Variants in MUC17 observed in about 807,000 individuals in gnomAD.
MUC17 encodes the protein mucin 17, cell surface associated.
In MUC17, 190 loss-of-function variants were observed where a neutral mutation model predicts 170.3. The observed-to-expected ratio is 1.12, with a 90% confidence interval of 0.99 to 1.26. MUC17 has a LOEUF of 1.26. MUC17 is among the 50% of genes most tolerant of loss of function. MUC17 has a pLI of 0.00. For missense variants in MUC17, 6,415 were observed against 5,530.0 expected (o/e 1.16, Z -5.08); for synonymous variants, 2,325 against 2,002.5 (o/e 1.16, Z -4.30).
chr7:101,030,387 G>A (rs1440207342), intron 1 of MUC17, among the ~76,000 whole-genome samples: 1 of 151,924 alleles, frequency 6.6e-6, no homozygotes, highest in Admixed American at 6.6e-5. Context: ...ACCATGCCCA[G>A]CTAATTTTTG....
rs748177179 is a variant in MUC17, at chr7:101,035,026, G to T, written c.3610G>T (p.Ala1204Ser). ...STEASSPPPT[A>S]EVTSMPTSTP... ...TGAAGCCAGTTCACCTCCTCCAACT[G>T]CTGAAGTTACCAGCATGCCAACCTC... Residue 1204 changes from alanine to serine, a missense_variant, in exon 3 of 13, where the codon GCT becomes TCT. Physicochemically the swap from Ala to Ser is moderately conservative, Grantham distance 99. Coordinates refer to ENST00000306151, the MANE Select transcript of MUC17 (RefSeq NM_001040105.2). 2.5e-6 allele frequency: 4 copies of T among 1,614,014 alleles called. No homozygotes were observed. In the Admixed American group the frequency reaches 6.7e-5, roughly 27 times the overall value.
In MUC17 at chr7:101,038,701, A is replaced by C; in HGVS notation, c.7285A>C (p.Thr2429Pro). ...TCCTGTTGACACCAGCACACCTGTC[A>C]CCACTTCTACTGAAGCCAGTTCATC... ...TTPVDTSTPV[T>P]TSTEASSSPT... Residue 2429 changes from threonine to proline, a missense_variant, in exon 3 of 13, where the codon ACC becomes CCC. Thr to Pro is a conservative substitution (Grantham distance 38). Coordinates refer to ENST00000306151, the MANE Select transcript of MUC17 (RefSeq NM_001040105.2). The C allele has an allele frequency of 6.2e-7, 1 of 1,613,024 alleles. No homozygotes were observed. Among genetic ancestry groups the C allele is most frequent in the Non-Finnish European group, 8.5e-7 (1 of 1,179,812 alleles).
rs758870682 is a variant in MUC17 at position 101,040,966 on chromosome 7, C to G, written c.9550C>G (p.Leu3184Val). 1.1e-5 allele frequency: 18 copies of G among 1,613,684 alleles called. 2 individuals are homozygous for G. In the Middle Eastern group the frequency reaches 2.0e-3, roughly 178 times the overall value. Residue 3184 changes from leucine (L) to valine (V), a missense_variant, in exon 3 of 13, where the codon CTT becomes GTT. Transcript: ENST00000306151. Reference sequence around the variant, plus strand: ...GGTAGTCAGTTCTGAGGATAGCACCCTTTCAGCAACTCCTGTTGACACCAG... The same window carrying G: ...GGTAGTCAGTTCTGAGGATAGCACCGTTTCAGCAACTCCTGTTGACACCAG... ...MLVVSSEDSTLSATPVDTSTP... is the reference protein window; with the variant it reads ...MLVVSSEDSTVSATPVDTSTP...
Position 101,042,097 on chromosome 7 carries a change from C to T in MUC17, c.10681C>T (p.Leu3561Phe), listed in dbSNP as rs1374757224. The T allele has an allele frequency of 1.2e-6, 2 of 1,614,002 alleles. No individual in the cohort carries two copies. The highest frequency in any genetic ancestry group is 2.2e-5 in the East Asian group (1 of 44,868). ...TCAAGCCAGTTCATCTCCAGCAACTCTTCAGGTCACCACTATGCGTATGTC... is the reference window on the plus strand; with the variant it reads ...TCAAGCCAGTTCATCTCCAGCAACTTTTCAGGTCACCACTATGCGTATGTC... ...SSQASSSPAT[L>F]QVTTMRMSTP... is the part of the protein sequence containing the mutation. Residue 3561 changes from leucine (L) to phenylalanine (F), a missense_variant, in exon 3 of 13, where the codon CTT (leucine) becomes TTT (phenylalanine). Physicochemically the swap from Leu to Phe is conservative, Grantham distance 22. Coordinates refer to ENST00000306151, the MANE Select transcript of MUC17 (RefSeq NM_001040105.2).
At position 101,051,788 on chromosome 7, in the gene MUC17, T is replaced by C. The variant is rs1284635083; in HGVS notation, c.12944-15T>C. The C allele has an allele frequency of 6.2e-7, 1 of 1,611,856 alleles. No individual in the cohort carries two copies. ...TCTGATCACGGCTGTTCCCTGTCCCTGCACCCCCCACCAGAGGACTGCCGG... is the reference window on the plus strand; with the variant it reads ...TCTGATCACGGCTGTTCCCTGTCCCCGCACCCCCCACCAGAGGACTGCCGG... On this transcript the variant is annotated splice_polypyrimidine_tract_variant and intron_variant, in intron 8 of 12. Coordinates refer to ENST00000306151, the MANE Select transcript of MUC17 (RefSeq NM_001040105.2).
In MUC17 at chr7:101,032,924, C is replaced by A. The variant is rs1260132118; in HGVS notation, c.1508C>A (p.Thr503Asn). The A allele has an allele frequency of 3.7e-6, 6 of 1,614,094 alleles. No individual in the cohort carries two copies. Among genetic ancestry groups the A allele is most frequent in the Middle Eastern group, 3.3e-4 (2 of 6,062 alleles). Residue 503 changes from threonine to asparagine, a missense_variant, in exon 3 of 13, where the codon ACC becomes AAC. Transcript: ENST00000306151. ...ACTGCTGAAGTTAACAGCATGCCAACCTCAACTCCTAGTGAAGGAAGCACT... is the reference window on the plus strand; with the variant it reads ...ACTGCTGAAGTTAACAGCATGCCAAACTCAACTCCTAGTGAAGGAAGCACT... The part of the protein sequence containing the change: ...PPTAEVNSMP[T>N]STPSEGSTPL...
At chr7:101,044,151 C>A (rs1794793283) in intron 3 of MUC17, among the ~76,000 whole-genome samples, 1 of 152,164 alleles carries the variant, frequency 6.6e-6, no homozygotes, top group Non-Finnish European at 1.5e-5. Flanking sequence ...TCATCCATGT[C>A]CCTACAAAGG....
intron 1 of MUC17, among the ~76,000 whole-genome samples, chr7:101,029,956 A>G (rs1462931787): frequency 2.0e-5 from 3 of 151,974 alleles, no homozygotes; most frequent in Non-Finnish European, 2.9e-5. Context: ...TGTACATTGT[A>G]TTTTCTATTG....
chr7:101,037,810 C>T lies in MUC17; in HGVS notation c.6394C>T (p.Pro2132Ser). 6.2e-7 allele frequency: 1 copy of T among 1,613,374 alleles called. No homozygotes were observed. The highest frequency in any genetic ancestry group is 8.5e-7 in the Non-Finnish European group (1 of 1,179,572). Residue 2132 changes from proline to serine, a missense_variant, in exon 3 of 13, where the codon CCT becomes TCT. Pro to Ser is a moderately conservative substitution (Grantham distance 74). Coordinates refer to ENST00000306151, the MANE Select transcript of MUC17 (RefSeq NM_001040105.2). The part of the protein sequence containing the change: ...LSTTPVDSNS[P>S]VITSTEVSSS... ...AACAACTCCTGTTGACTCCAACAGT[C>T]CTGTGATCACTTCTACTGAAGTCAG...
Position 101,031,682 on chromosome 7 carries a change from C to G in MUC17, c.266C>G (p.Pro89Arg), listed in dbSNP as rs367792915. The change falls in exon 3 of 13, where the codon CCT becomes CGT. Residue 89 changes from proline (P) to arginine (R), a missense_variant. Pro to Arg is a moderately radical substitution (Grantham distance 103). Coordinates refer to ENST00000306151, the MANE Select transcript of MUC17 (RefSeq NM_001040105.2). Reference protein sequence around the residue: ...PRMYLSCSTNPEMTSIESSVT... With the variant: ...PRMYLSCSTNREMTSIESSVT... ...ATGTATTTGAGTTGCAGCACCAACC[C>G]TGAGATGACCTCGATTGAGTCCAGT... The G allele has an allele frequency of 1.6e-5, 25 of 1,603,034 alleles. No individual in the cohort carries two copies. In the African/African-American group the frequency reaches 3.1e-4, roughly 20 times the overall value.
intron 1 of MUC17, among the ~76,000 whole-genome samples, chr7:101,023,087 G>A (rs576862276): frequency 6.6e-6 from 1 of 152,268 alleles, no homozygotes; most frequent in Non-Finnish European, 1.5e-5. Flanking sequence ...TCTGTCCCAG[G>A]CCTGTTTCCT....
In MUC17 at chr7:101,037,607, T is replaced by A; in HGVS notation, c.6191T>A (p.Leu2064His). Residue 2064 changes from leucine to histidine, a missense_variant, in exon 3 of 13, where the codon CTT (leucine) becomes CAT (histidine). Leu to His is a moderately conservative substitution (Grantham distance 99, BLOSUM62 -3). Transcript: ENST00000306151. ...TLVVSSEGNT[L>H]STTPVDSKTQ... Reference sequence around the variant, plus strand: ...GTGGTCAGTTCTGAGGGTAACACCCTTTCAACAACTCCTGTTGACTCCAAA... The same window carrying A: ...GTGGTCAGTTCTGAGGGTAACACCCATTCAACAACTCCTGTTGACTCCAAA... The A allele has an allele frequency of 6.2e-7, 1 of 1,613,976 alleles. No homozygotes were observed. The highest frequency in any genetic ancestry group is 8.5e-7 in the Non-Finnish European group (1 of 1,179,930).
chr7:101,039,929 G>A lies in MUC17; in HGVS notation c.8513G>A (p.Ser2838Asn). ...GTLSTTPVDT[S>N]TPVTTSTKAS... ...CTTTCAACAACTCCTGTTGACACCA[G>A]CACACCTGTGACCACTTCTACTAAA... The change falls in exon 3 of 13, where the codon AGC becomes AAC. Residue 2838 changes from serine to asparagine, a missense_variant. By Grantham distance (46) the Ser-to-Asn change is conservative (BLOSUM62 1). Coordinates refer to ENST00000306151, the MANE Select transcript of MUC17 (RefSeq NM_001040105.2). The A allele has an allele frequency of 1.2e-6, 2 of 1,613,494 alleles. No individual in the cohort carries two copies. The highest frequency in any genetic ancestry group is 2.2e-5 in the East Asian group (1 of 44,862).
chr7:101,034,475 C>A lies in MUC17; in HGVS notation c.3059C>A (p.Ala1020Asp), dbSNP rs1394642947. The change falls in exon 3 of 13, where the codon GCC becomes GAC. Residue 1020 changes from alanine (A) to aspartate (D), a missense_variant. Physicochemically the swap from Ala to Asp is moderately radical, Grantham distance 126. Transcript: ENST00000306151. ...ACTCCTTTGACCACTTCTACTGAAG[C>A]CAGTTCACCTCCTCCCACTGCTGAA... is the stretch of plus-strand genomic sequence containing the variant. ...SNTPLTTSTE[A>D]SSPPPTAEGT... 2 of 1,612,110 alleles carry A rather than the reference C, an allele frequency of 1.2e-6. No homozygotes were observed. The highest frequency in any genetic ancestry group is 8.5e-7 in the Non-Finnish European group (1 of 1,179,240).
At position 101,039,896 on chromosome 7, in the gene MUC17, C is replaced by T. The variant is rs747710954; in HGVS notation, c.8480C>T (p.Ala2827Val). 3 of 1,613,070 alleles carry T rather than the reference C, an allele frequency of 1.9e-6. No homozygotes were observed. The Admixed American group carries it at 5.0e-5, about 27-fold the overall frequency. The change falls in exon 3 of 13, where the codon GCT becomes GTT. Residue 2827 changes from alanine to valine, a missense_variant. Transcript: ENST00000306151. ...CACACGCCAGTGGCCAGTTCTGAGG[C>T]TGGCACCCTTTCAACAACTCCTGTT... ...VNHTPVASSE[A>V]GTLSTTPVDT...
At chr7:101,022,109 C>T (rs1472724101) in intron 1 of MUC17, among the ~76,000 whole-genome samples, 1 of 151,766 alleles carries the variant, frequency 6.6e-6, no homozygotes. Context: ...GTCTAGGGCT[C>T]TGTCCCCATC....
In MUC17 at chr7:101,041,512, G is replaced by T; in HGVS notation, c.10096G>T (p.Asp3366Tyr). The T allele has an allele frequency of 1.2e-6, 2 of 1,613,544 alleles. No homozygotes were observed. The highest frequency in any genetic ancestry group is 1.7e-6 in the Non-Finnish European group (2 of 1,179,896). Reference protein sequence around the residue: ...EASTLSTTPVDTSTPVTTSTE... With the variant: ...EASTLSTTPVYTSTPVTTSTE... ...TAGCACCCTTTCCACAACTCCTGTT[G>T]ACACCAGCACACCTGTCACCACTTC... The change falls in exon 3 of 13, where the codon GAC becomes TAC. Residue 3366 changes from aspartate (D) to tyrosine (Y), a missense_variant. Coordinates refer to ENST00000306151, the MANE Select transcript of MUC17 (RefSeq NM_001040105.2).
In MUC17 at chr7:101,038,298, T is replaced by C. The variant is rs1161420718; in HGVS notation, c.6882T>C (p.Ser2294=). 5 of 1,613,652 alleles carry C rather than the reference T, an allele frequency of 3.1e-6. No homozygotes were observed. In the African/African-American group the frequency reaches 6.7e-5, roughly 22 times the overall value. The change falls in exon 3 of 13, where the codon TCT becomes TCC. Residue 2294 remains serine (S), a synonymous_variant. Transcript: ENST00000306151. ...TCAGCCACACGCTGGTGGCCAATTCTGAGGTTAGCACCCTTTCAACAACTC... is the reference window on the plus strand; with the variant it reads ...TCAGCCACACGCTGGTGGCCAATTCCGAGGTTAGCACCCTTTCAACAACTC... ...IPVSHTLVAN[S]EVSTLSTTPV... is the part of the protein sequence containing the mutation.
chr7:101,023,967 G>T (rs1794138404), intron 1 of MUC17, among the ~76,000 whole-genome samples: 1 of 151,686 alleles, frequency 6.6e-6, no homozygotes, highest in Non-Finnish European at 1.5e-5. Flanking sequence ...GTTTCAATTT[G>T]CATCTCCCTG....
Sources: allele counts gnomAD v4.1 joint callset (sites outside exome capture counted in the v4.1 genomes callset), GRCh38; gene constraint gnomAD v4.1.1; transcripts MANE v1.5; gene names NCBI Gene and HGNC (gene_info 2026-07-23, HGNC 2026-07-21).